Variants in SEMA5A observed in about 807,000 individuals in gnomAD.
The protein encoded by SEMA5A is semaphorin-5A.
Under a neutral mutation model 135.5 loss-of-function variants are expected in SEMA5A, and 55 were observed. That is an observed-to-expected ratio of 0.41 (90% CI 0.33 to 0.51). The LOEUF (loss-of-function observed/expected upper bound fraction) is 0.51, where lower values mean the gene tolerates loss of function less well. Ranked by LOEUF, SEMA5A falls within the 20% of genes least tolerant of loss-of-function variation. The probability of loss-of-function intolerance (pLI) is 0.37; values close to 1 mark genes in which losing one functional copy is unlikely to be tolerated. For synonymous variants in SEMA5A, 580 were observed against 546.5 expected (o/e 1.06, Z -0.85); for missense variants, 1,290 against 1,419.9 (o/e 0.91, Z 1.47).
intron 18 of SEMA5A, among the ~76,000 whole-genome samples, chr5:9,058,928 G>A (rs544061487): frequency 1.2e-4 from 19 of 152,220 alleles, no homozygotes; most frequent in Middle Eastern, 3.4e-3. Context: ...ATGGACTCAA[G>A]GACTCCAAGA....
chr5:9,321,078 T>C (rs1325475262), intron 4 of SEMA5A, among the ~76,000 whole-genome samples: 3 of 152,130 alleles, frequency 2.0e-5, no homozygotes, highest in Admixed American at 2.0e-4. Flanking sequence ...GTTCTCATGA[T>C]ACTGAGTGAG....
At chr5:9,280,516 C>T (rs531528588) in intron 5 of SEMA5A, among the ~76,000 whole-genome samples, 1 of 152,234 alleles carries the variant, frequency 6.6e-6, no homozygotes, top group East Asian at 1.9e-4. Context: ...CTCAACAGGA[C>T]CAGGGTTACT....
rs1344833180 is a variant in SEMA5A at position 9,224,658 on chromosome 5, G to A, written c.646+16C>T. The A allele has an allele frequency of 2.5e-6, 4 of 1,611,476 alleles. No individual in the cohort carries two copies. The highest frequency in any genetic ancestry group is 3.4e-6 in the Non-Finnish European group (4 of 1,177,604). On this transcript the variant is annotated intron_variant, in intron 8 of 22. Coordinates refer to ENST00000382496, the MANE Select transcript of SEMA5A (RefSeq NM_003966.3). ...AGACAAATGAGGTGAGAAAGAGGGA[G>A]TGACGGAAGGCTTACCATTGAGCCA...
chr5:9,091,548 T>C (rs1424348017), intron 16 of SEMA5A, among the ~76,000 whole-genome samples: 1 of 152,188 alleles, frequency 6.6e-6, no homozygotes, highest in Non-Finnish European at 1.5e-5. Context: ...GATTTGTGGT[T>C]TACAAAATTC....
chr5:9,270,257 T>C (rs1427467857), intron 5 of SEMA5A, among the ~76,000 whole-genome samples: 1 of 152,212 alleles, frequency 6.6e-6, no homozygotes, highest in South Asian at 2.1e-4. Flanking sequence ...AAGAAGACTC[T>C]TGGAAGATCA....
intron 16 of SEMA5A, among the ~76,000 whole-genome samples, chr5:9,089,975 TATC>T (rs1395087888): frequency 2.0e-5 from 3 of 152,198 alleles, no homozygotes; most frequent in African/African-American, 4.8e-5. Flanking sequence ...TCATTATAAA[TATC>T]ATATTGTGAA....
At chr5:9,504,171 C>T (rs1392176593) in intron 1 of SEMA5A, among the ~76,000 whole-genome samples, 7 of 141,678 alleles carry the variant, frequency 4.9e-5, no homozygotes, top group East Asian at 2.1e-4. Flanking sequence ...GCCAAGGTCA[C>T]GCCACTCCAC....
At chr5:9,469,522 C>T (rs1413627690) in intron 1 of SEMA5A, among the ~76,000 whole-genome samples, 1 of 152,144 alleles carries the variant, frequency 6.6e-6, no homozygotes, top group East Asian at 1.9e-4. Context: ...AAGGTGTCCC[C>T]ATTTCACATT....
chr5:9,065,084 A>C (rs1403404746), intron 17 of SEMA5A, among the ~76,000 whole-genome samples: 1 of 152,214 alleles, frequency 6.6e-6, no homozygotes, highest in African/African-American at 2.4e-5. Flanking sequence ...TTGTACATAA[A>C]ATACTGTATG....
intron 1 of SEMA5A, among the ~76,000 whole-genome samples, chr5:9,532,201 C>T (rs1425408598): frequency 1.3e-5 from 2 of 152,162 alleles, no homozygotes; most frequent in Admixed American, 6.5e-5. Context: ...TCCCCCCCAT[C>T]CTCTTATCAA....
chr5:9,386,635 C>T (rs1322876826), intron 2 of SEMA5A, among the ~76,000 whole-genome samples: 3 of 152,214 alleles, frequency 2.0e-5, no homozygotes, highest in Non-Finnish European at 4.4e-5. Flanking sequence ...ACAGCGGCAG[C>T]TCCTTTCCAG....
At chr5:9,531,480 C>T (rs6867505) in intron 1 of SEMA5A, among the ~76,000 whole-genome samples, 1 of 152,138 alleles carries the variant, frequency 6.6e-6, no homozygotes, top group Admixed American at 6.5e-5. Flanking sequence ...TCCTTCAGCC[C>T]CAGCAAGTGA....
At chr5:9,282,503 C>T (rs1022755838) in intron 5 of SEMA5A, among the ~76,000 whole-genome samples, 8 of 152,002 alleles carry the variant, frequency 5.3e-5, no homozygotes, top group African/African-American at 1.2e-4. Context: ...TGCACATGTA[C>T]AAAATGACAC....
intron 16 of SEMA5A, among the ~76,000 whole-genome samples, chr5:9,072,272 A>G (rs186039179): frequency 1.6e-3 from 238 of 152,318 alleles, no homozygotes; most frequent in Admixed American, 6.4e-3. Context: ...TTCCCAGGCC[A>G]CAGCATGGGG....
chr5:9,523,931 G>A (rs1021580208), intron 1 of SEMA5A, among the ~76,000 whole-genome samples: 1 of 132,792 alleles, frequency 7.5e-6, no homozygotes. Flanking sequence ...TTTGCAAATA[G>A]AGTTAAATTA....
At chr5:9,222,944 C>T (rs1277999096) in intron 8 of SEMA5A, among the ~76,000 whole-genome samples, 2 of 152,220 alleles carry the variant, frequency 1.3e-5, no homozygotes, top group Non-Finnish European at 2.9e-5. Context: ...GAGCTTTTTA[C>T]TTTGCTTCTG....
At chr5:9,235,882 TG>T (rs1747881697) in intron 6 of SEMA5A, among the ~76,000 whole-genome samples, 1 of 152,156 alleles carries the variant, frequency 6.6e-6, no homozygotes, top group South Asian at 2.1e-4. Context: ...TACCTGAGAC[TG>T]GGTAATTTTA....
At chr5:9,336,491 G>A (rs889137702) in intron 4 of SEMA5A, among the ~76,000 whole-genome samples, 1 of 152,192 alleles carries the variant, frequency 6.6e-6, no homozygotes, top group East Asian at 1.9e-4. Flanking sequence ...TGTTGGAAGT[G>A]AGCATCAGAA....
At chr5:9,090,028 T>C (rs911939566) in intron 16 of SEMA5A, among the ~76,000 whole-genome samples, 5 of 152,216 alleles carry the variant, frequency 3.3e-5, no homozygotes, top group Admixed American at 6.5e-5. Flanking sequence ...AATATGTGTG[T>C]ATACATGTGT....
Sources: allele counts gnomAD v4.1 joint callset (sites outside exome capture counted in the v4.1 genomes callset), GRCh38; gene constraint gnomAD v4.1.1; transcripts MANE v1.5; gene names NCBI Gene and HGNC (gene_info 2026-07-23, HGNC 2026-07-21).